The following MAPKAPK3 variants were observed in gnomAD, a reference collection of about 807,000 sequenced individuals.
The protein encoded by MAPKAPK3 is MAPK activated protein kinase 3.
A neutral mutation model predicts 49.2 loss-of-function variants in MAPKAPK3; 35 were observed. The ratio of observed to expected loss-of-function variants is 0.71; its 90% CI spans 0.54 to 0.94. The LOEUF (loss-of-function observed/expected upper bound fraction) is 0.94, where lower values mean the gene tolerates loss of function less well. Among genes scored for constraint, MAPKAPK3 ranks in the 40% least tolerant of loss-of-function variants. The probability of loss-of-function intolerance (pLI) is 0.00; values close to 1 mark genes in which losing one functional copy is unlikely to be tolerated. For synonymous variants in MAPKAPK3, 178 were observed against 188.7 expected (o/e 0.94, Z 0.46); for missense variants, 398 against 493.1 (o/e 0.81, Z 1.83).
At chr3:50,643,002 C>A (rs947344152) in intron 5 of MAPKAPK3, among the ~76,000 whole-genome samples, 1 of 152,206 alleles carries the variant, frequency 6.6e-6, no homozygotes, top group Non-Finnish European at 1.5e-5. Flanking sequence ...CAGGCGCACA[C>A]CACCACACCT....
chr3:50,624,392 G>A (rs899707880), intron 2 of MAPKAPK3, among the ~76,000 whole-genome samples: 8 of 152,174 alleles, frequency 5.3e-5, no homozygotes, highest in Admixed American at 5.2e-4. Context: ...GCAGACCTGT[G>A]TTCTGGCAGG....
chr3:50,614,376 A>T (rs1022674391), upstream of MAPKAPK3, among the ~76,000 whole-genome samples: 6 of 151,818 alleles, frequency 4.0e-5, no homozygotes, highest in African/African-American at 1.5e-4. Context: ...TTCCCCTGCC[A>T]CTCCCTACCC....
At chr3:50,615,183 C>G (rs1019961873), upstream of MAPKAPK3, among the ~76,000 whole-genome samples, 1 of 152,120 alleles carries the variant, frequency 6.6e-6, no homozygotes, top group Non-Finnish European at 1.5e-5. Context: ...GAGCAGAGAG[C>G]CTTCTTTGGC....
Position 50,641,612 on chromosome 3 carries a change from C to T in MAPKAPK3, c.360-95C>T. On this transcript the variant is annotated intron_variant, in intron 3 of 10. Coordinates refer to ENST00000621469, the MANE Select transcript of MAPKAPK3 (RefSeq NM_001243925.2). Reference sequence around the variant, plus strand: ...GTTCAGTAGGGGAGGAGCGGAGCAGCAGGGTCTGAAGCCTGGGCCTATGAT... The same window carrying T: ...GTTCAGTAGGGGAGGAGCGGAGCAGTAGGGTCTGAAGCCTGGGCCTATGAT... 3 of 965,958 alleles carry T rather than the reference C, an allele frequency of 3.1e-6. No homozygotes were observed. The Admixed American group carries it at 5.5e-5, about 18-fold the overall frequency. 59.8% of individuals were successfully genotyped at this position (965,958 alleles called of 1,614,324 possible). A position where few individuals can be genotyped will look rare whatever the true frequency, so the allele number is the denominator to read the frequency against.
At chr3:50,627,182 C>T (rs1242500722) in intron 2 of MAPKAPK3, among the ~76,000 whole-genome samples, 6 of 18,398 alleles carry the variant, frequency 3.3e-4, no homozygotes, top group African/African-American at 1.1e-3. Flanking sequence ...AAAACTCCAT[C>T]TCAAAAAAAA....
rs1204460425 is a variant in MAPKAPK3, at chr3:50,617,569, G to C, written c.4G>C (p.Asp2His). M[D>H]GETAEEQGGP... ...CTCTGAGCGCCCCGCGGGGGCCATGGATGGTGAAACAGCAGAGGAGCAGGG... is the reference window on the plus strand; with the variant it reads ...CTCTGAGCGCCCCGCGGGGGCCATGCATGGTGAAACAGCAGAGGAGCAGGG... The change falls in exon 2 of 11, where the codon GAT (aspartate) becomes CAT (histidine). Residue 2 changes from aspartate (D) to histidine (H), a missense_variant. Asp to His is a moderately conservative substitution (Grantham distance 81). Transcript: ENST00000621469. The C allele has an allele frequency of 6.5e-7, 1 of 1,535,418 alleles. No individual in the cohort carries two copies. Among genetic ancestry groups the C allele is most frequent in the South Asian group, 1.1e-5 (1 of 88,914 alleles).
At position 50,648,070 on chromosome 3, in the gene MAPKAPK3, G is replaced by C; in HGVS notation, c.*24G>C. ...AGCTCATGGGGCCTTGGAGGAGCCT[G>C]GCCTCTCAGCCTGCATAACAGACTG... On this transcript the variant is annotated 3_prime_UTR_variant, in exon 11 of 11. Transcript: ENST00000621469. The C allele has an allele frequency of 6.2e-7, 1 of 1,604,998 alleles. No homozygotes were observed. Among genetic ancestry groups the C allele is most frequent in the Non-Finnish European group, 8.5e-7 (1 of 1,176,048 alleles).
intron 2 of MAPKAPK3, among the ~76,000 whole-genome samples, chr3:50,628,309 A>G (rs1292400190): frequency 6.6e-6 from 1 of 152,158 alleles, no homozygotes; most frequent in Non-Finnish European, 1.5e-5. Context: ...TGTGTCAGCT[A>G]TGTGGGCATC....
upstream of MAPKAPK3, among the ~76,000 whole-genome samples, chr3:50,616,553 G>T (rs2032467119): frequency 6.6e-6 from 1 of 152,176 alleles, no homozygotes; most frequent in South Asian, 2.1e-4. Flanking sequence ...GGGATTTCTG[G>T]TCCCCAGGAT....
At chr3:50,613,450 A>G (rs1437823483), upstream of MAPKAPK3, among the ~76,000 whole-genome samples, 1 of 152,138 alleles carries the variant, frequency 6.6e-6, no homozygotes, top group Non-Finnish European at 1.5e-5. Context: ...ACTTTCTTGG[A>G]ATGGGGGTAG....
In MAPKAPK3 at chr3:50,647,948, A is replaced by G; in HGVS notation, c.1051A>G (p.Ile351Val). The part of the protein sequence containing the change: ...TMRVDYDQVK[I>V]KDLKTSNNRL... ...GCGGGTAGACTACGACCAGGTGAAGATCAAGGACCTGAAGACCTCTAACAA... is the reference window on the plus strand; with the variant it reads ...GCGGGTAGACTACGACCAGGTGAAGGTCAAGGACCTGAAGACCTCTAACAA... Residue 351 changes from isoleucine (I) to valine (V), a missense_variant, in exon 11 of 11, where the codon ATC becomes GTC. Around this residue, in one of 5 missense-constraint regions of MAPKAPK3, gnomAD observed 152 missense variants for 177.3 expected, o/e 0.86. Transcript: ENST00000621469. The G allele has an allele frequency of 6.2e-7, 1 of 1,614,038 alleles. No individual in the cohort carries two copies. The highest frequency in any genetic ancestry group is 8.5e-7 in the Non-Finnish European group (1 of 1,180,002).
At chr3:50,647,830 G>T in intron 10 of MAPKAPK3, 64 bp from the exon 11 acceptor site, 1 of 1,491,604 alleles carries the variant, frequency 6.7e-7, no homozygotes, top group Non-Finnish European at 9.1e-7. Context: ...CAGGCAGGGG[G>T]GTGATGGTTC....
chr3:50,632,417 G>C (rs1432004691), intron 2 of MAPKAPK3, among the ~76,000 whole-genome samples: 2 of 152,204 alleles, frequency 1.3e-5, no homozygotes, highest in Non-Finnish European at 2.9e-5. Context: ...AGAATCTGCT[G>C]TTTTTGTTTG....
At chr3:50,629,145 C>G (rs1373380408) in intron 2 of MAPKAPK3, among the ~76,000 whole-genome samples, 2 of 152,140 alleles carry the variant, frequency 1.3e-5, no homozygotes, top group Admixed American at 6.5e-5. Flanking sequence ...CCTTATTGAG[C>G]CTTTCACAGC....
At chr3:50,631,677 T>G (rs1255417483) in intron 2 of MAPKAPK3, among the ~76,000 whole-genome samples, 2 of 152,218 alleles carry the variant, frequency 1.3e-5, no homozygotes, top group Non-Finnish European at 2.9e-5. Flanking sequence ...ATCATACAAC[T>G]GGGAGCTGGG....
chr3:50,644,426 C>T lies in MAPKAPK3; in HGVS notation c.522C>T (p.Tyr174=). The T allele has an allele frequency of 6.2e-7, 1 of 1,614,224 alleles. No homozygotes were observed. Among genetic ancestry groups the T allele is most frequent in the Non-Finnish European group, 8.5e-7 (1 of 1,180,034 alleles). ...HRDVKPENLL[Y]TSKEKDAVLK... is the part of the protein sequence containing the mutation. ...TGGCCCAGCCTGAAAACCTACTCTA[C>T]ACATCTAAGGAGAAAGACGCAGTGC... The change falls in exon 6 of 11, where the codon TAC becomes TAT. Residue 174 remains tyrosine (Y), a synonymous_variant. Transcript: ENST00000621469.
rs544893264 is a variant in MAPKAPK3, at chr3:50,642,912, C to T, written c.504+580C>T. ...TGTCACCTAGGCTGGAGTGCAGTGG[C>T]GCAATCTCGGCTCACTGCAGCTTCC... is the stretch of plus-strand genomic sequence containing the variant. On this transcript the variant is annotated intron_variant, in intron 5 of 10. Transcript: ENST00000621469. Among the ~76,000 whole-genome samples, 11 of 152,212 alleles carry T rather than the reference C, an allele frequency of 7.2e-5. No individual in the cohort carries two copies. The East Asian group carries it at 1.2e-3, about 16-fold the overall frequency.
At chr3:50,645,410 T>C (rs1010875917) in intron 6 of MAPKAPK3, among the ~76,000 whole-genome samples, 3 of 152,186 alleles carry the variant, frequency 2.0e-5, no homozygotes, top group Non-Finnish European at 4.4e-5. Flanking sequence ...CTACGGTAGC[T>C]TCCCACCAAG....
rs375549664 is a variant in MAPKAPK3 at position 50,644,455 on chromosome 3, A to G, written c.551A>G (p.Lys184Arg). Residue 184 changes from lysine to arginine, a missense_variant, in exon 6 of 11, where the codon AAG becomes AGG. By Grantham distance (26) the Lys-to-Arg change is conservative. This residue lies in a region of MAPKAPK3 where 41 missense variants were observed against 35.8 expected (regional missense o/e 1.15). Coordinates refer to ENST00000621469, the MANE Select transcript of MAPKAPK3 (RefSeq NM_001243925.2). ...TCTAAGGAGAAAGACGCAGTGCTTA[A>G]GCTCACCGATTTTGGCTTTGCTAAG... ...YTSKEKDAVLKLTDFGFAKET... is the reference protein window; with the variant it reads ...YTSKEKDAVLRLTDFGFAKET... 6.2e-7 allele frequency: 1 copy of G among 1,614,084 alleles called. No homozygotes were observed. Among genetic ancestry groups the G allele is most frequent in the Non-Finnish European group, 8.5e-7 (1 of 1,180,028 alleles).
Sources: gnomAD v4.1 joint callset for allele counts (sites outside exome capture counted in the v4.1 genomes callset) on GRCh38, gnomAD v4.1.1 for gene constraint, gnomAD v4.1.1 regional missense constraint, MANE v1.5 for transcripts, NCBI Gene and HGNC (gene_info 2026-07-23, HGNC 2026-07-21) for gene names.